The following PHLDB2 variants were observed in gnomAD, a reference collection of about 807,000 sequenced individuals.
PHLDB2 encodes the protein pleckstrin homology like domain family B member 2.
PHLDB2 carries 71 observed loss-of-function variants against 123.6 expected under a neutral mutation model. That is an observed-to-expected ratio of 0.57 (90% CI 0.47 to 0.70). PHLDB2 has a LOEUF of 0.70. PHLDB2 is among the 30% of genes least tolerant of loss of function. The probability of loss-of-function intolerance (pLI) is 0.00; values close to 1 mark genes in which losing one functional copy is unlikely to be tolerated. For missense variants in PHLDB2, 1,446 were observed against 1,519.5 expected (o/e 0.95, Z 0.80); for synonymous variants, 547 against 541.6 (o/e 1.01, Z -0.14).
intron 1 of PHLDB2, among the ~76,000 whole-genome samples, chr3:111,835,033 C>A (rs2063335917): frequency 6.6e-6 from 1 of 152,090 alleles, no homozygotes; most frequent in African/African-American, 2.4e-5. Flanking sequence ...GCTTCAAGAT[C>A]CCTCACAATC....
At chr3:111,921,585 C>T (rs13318775) in intron 5 of PHLDB2, among the ~76,000 whole-genome samples, 45,607 of 148,440 alleles carry the variant, frequency 0.31, 7,391 homozygotes, top group Middle Eastern at 0.39. Context: ...ATTTTATGTA[C>T]GTTCATTCTG....
At chr3:111,735,371 C>A (rs188773569) in intron 1 of PHLDB2, among the ~76,000 whole-genome samples, 1 of 152,056 alleles carries the variant, frequency 6.6e-6, no homozygotes. Flanking sequence ...AGCCTTAATC[C>A]GCCCCCCACC....
intron 1 of PHLDB2, among the ~76,000 whole-genome samples, chr3:111,843,914 G>A (rs2063811271): frequency 1.3e-5 from 2 of 152,024 alleles, no homozygotes; most frequent in African/African-American, 4.8e-5. Flanking sequence ...TGGAAGACTT[G>A]GCCTTGTTCT....
chr3:111,907,277 A>C (rs552580973), intron 2 of PHLDB2, among the ~76,000 whole-genome samples: 1 of 152,340 alleles, frequency 6.6e-6, no homozygotes, highest in Admixed American at 6.5e-5. Flanking sequence ...TGATAAGCAC[A>C]GTTACGATTC....
intron 2 of PHLDB2, among the ~76,000 whole-genome samples, chr3:111,907,858 G>A (rs1257996513): frequency 6.6e-6 from 1 of 151,946 alleles, no homozygotes; most frequent in Non-Finnish European, 1.5e-5. Context: ...GTGCAGTGGT[G>A]CTATATCAGC....
chr3:111,958,416 T>A, intron 12 of PHLDB2: 2 of 557,444 alleles, frequency 3.6e-6, no homozygotes, highest in Non-Finnish European at 4.8e-6. Context: ...TAAAAGTATA[T>A]ACCACATATT....
chr3:111,756,967 AATATTGGCCCCCACT>A (rs1310364582), intron 1 of PHLDB2, among the ~76,000 whole-genome samples: 2 of 152,100 alleles, frequency 1.3e-5, no homozygotes, highest in African/African-American at 2.4e-5. Flanking sequence ...AAGAATGTTG[AATATTGGCCCCCACT>A]CTCTTCTGGC....
intron 12 of PHLDB2, among the ~76,000 whole-genome samples, chr3:111,960,665 T>C (rs576318747): frequency 3.9e-5 from 6 of 152,340 alleles, no homozygotes; most frequent in African/African-American, 1.4e-4. Flanking sequence ...CTATTGACCA[T>C]TTCATTATTA....
chr3:111,823,275 A>G (rs1338035526), intron 1 of PHLDB2, among the ~76,000 whole-genome samples: 3 of 152,238 alleles, frequency 2.0e-5, no homozygotes, highest in Non-Finnish European at 4.4e-5. Flanking sequence ...TAGGTGTTCA[A>G]TAATTTGCAT....
intron 12 of PHLDB2, among the ~76,000 whole-genome samples, chr3:111,956,272 C>T (rs539708365): frequency 6.6e-6 from 1 of 152,166 alleles, no homozygotes; most frequent in East Asian, 1.9e-4. Flanking sequence ...AATAGATTAG[C>T]AAAACTCAAG....
At chr3:111,845,354 CAAAAAAAAAAAAA>C (rs745585464) in intron 1 of PHLDB2, among the ~76,000 whole-genome samples, 5 of 39,160 alleles carry the variant, frequency 1.3e-4, no homozygotes, top group African/African-American at 3.6e-4. Context: ...GACTCTGTCT[CAAAAAAAAAAAAA>C]AAAAAAAAAA....
Position 111,772,547 on chromosome 3 carries a change from A to G in PHLDB2, c.-49+39844A>G, listed in dbSNP as rs146102475. On this transcript the variant is annotated intron_variant, in intron 1 of 17. Coordinates refer to the PHLDB2 transcript ENST00000393923. ...TCTCCACTCTCTGGTCCCTGAACTC[A>G]GAAATGCCTAGATCAGCCCTGCCTG... is the stretch of plus-strand genomic sequence containing the variant. 7.1e-3 allele frequency among the ~76,000 whole-genome samples: 1,088 copies of G among 152,332 alleles called. 2 individuals are homozygous for G. The highest frequency in any genetic ancestry group is 0.017 in the Middle Eastern group (5 of 294).
At chr3:111,888,362 A>G (rs1205995083) in intron 2 of PHLDB2, among the ~76,000 whole-genome samples, 1 of 150,882 alleles carries the variant, frequency 6.6e-6, no homozygotes, top group African/African-American at 2.4e-5. Context: ...CTTGGAAATT[A>G]TATTTTTTTT....
intron 2 of PHLDB2, among the ~76,000 whole-genome samples, chr3:111,888,176 G>A (rs1294780603): frequency 1.3e-5 from 2 of 151,778 alleles, no homozygotes; most frequent in Admixed American, 6.6e-5. Context: ...TATTTTACCC[G>A]TACAAAATTA....
chr3:111,854,911 G>A (rs73852706), upstream of PHLDB2, among the ~76,000 whole-genome samples: 85 of 152,328 alleles, frequency 5.6e-4, no homozygotes, highest in African/African-American at 2.0e-3. Context: ...TAGGAGAATT[G>A]AAGTCGACCC....
intron 1 of PHLDB2, among the ~76,000 whole-genome samples, chr3:111,743,021 A>G (rs973834311): frequency 3.9e-5 from 6 of 152,210 alleles, no homozygotes; most frequent in African/African-American, 1.4e-4. Context: ...CACAAAGCAG[A>G]AAAGTTTCAG....
intron 1 of PHLDB2, among the ~76,000 whole-genome samples, chr3:111,808,059 C>T (rs1387889243): frequency 6.6e-6 from 1 of 151,436 alleles, no homozygotes; most frequent in East Asian, 1.9e-4. Context: ...TGGGACCCAG[C>T]CCAGAAATTC....
intron 2 of PHLDB2, among the ~76,000 whole-genome samples, chr3:111,886,638 C>G (rs529342700): frequency 6.6e-6 from 1 of 152,286 alleles, no homozygotes; most frequent in African/African-American, 2.4e-5. Flanking sequence ...TTGCATCACT[C>G]ATAGTTTTTG....
intron 1 of PHLDB2, among the ~76,000 whole-genome samples, chr3:111,781,099 AT>A (rs143826530): frequency 0.21 from 32,661 of 151,924 alleles, 3,836 homozygotes; most frequent in African/African-American, 0.3. Flanking sequence ...CTCTAAAGTC[AT>A]TTTTTAGCTT....
Sources: allele counts gnomAD v4.1 joint callset (sites outside exome capture counted in the v4.1 genomes callset), GRCh38; gene constraint gnomAD v4.1.1; transcripts MANE v1.5; gene names NCBI Gene and HGNC (gene_info 2026-07-23, HGNC 2026-07-21).